WNT16: variants seen among roughly 807,000 people sequenced by gnomAD.
WNT16 encodes the protein Wnt family member 16.
A neutral mutation model predicts 35.4 loss-of-function variants in WNT16; 20 were observed. The observed-to-expected ratio is 0.56, with a 90% CI of 0.40 to 0.82. WNT16 has a LOEUF of 0.82. Among genes scored for constraint, WNT16 ranks in the 40% least tolerant of loss-of-function variants. The pLI is 0.00. For missense variants in WNT16, 461 were observed against 466.0 expected (o/e 0.99, Z 0.10); for synonymous variants, 180 against 179.2 (o/e 1.00, Z -0.03).
chr7:121,335,898 C>A (rs1471339122), intron 3 of WNT16, among the ~76,000 whole-genome samples: 1 of 151,716 alleles, frequency 6.6e-6, no homozygotes, highest in East Asian at 1.9e-4. Flanking sequence ...TTATGTGCAA[C>A]AAATATCTTC....
chr7:121,327,583 C>G (rs953562391), upstream of WNT16, among the ~76,000 whole-genome samples: 3 of 152,068 alleles, frequency 2.0e-5, no homozygotes, highest in Non-Finnish European at 2.9e-5. Flanking sequence ...CTCCTGACCT[C>G]TGGTGATCCG....
upstream of WNT16, among the ~76,000 whole-genome samples, chr7:121,327,407 G>T (rs1359101100): frequency 7.1e-6 from 1 of 141,416 alleles, no homozygotes; most frequent in Non-Finnish European, 1.5e-5. Flanking sequence ...CTGGAGTGCA[G>T]TGGCGCTATC....
intron 3 of WNT16, among the ~76,000 whole-genome samples, chr7:121,336,069 G>A (rs1485828867): frequency 6.7e-6 from 1 of 150,204 alleles, no homozygotes; most frequent in African/African-American, 2.4e-5. Flanking sequence ...AGTCCTGAGT[G>A]GTGATTACAC....
chr7:121,329,910 CT>C, intron 2 of WNT16, 93 bp downstream of exon 2: 1 of 1,489,112 alleles, frequency 6.7e-7, no homozygotes, highest in Non-Finnish European at 8.9e-7. Context: ...CTACGTGGTC[CT>C]GTAGCTCTCT....
At chr7:121,327,584 T>C (rs2536191), upstream of WNT16, among the ~76,000 whole-genome samples, 39,051 of 151,740 alleles carry the variant, frequency 0.26, 6,203 homozygotes, top group African/African-American at 0.46. Flanking sequence ...TCCTGACCTC[T>C]GGTGATCCGC....
chr7:121,329,715 G>A lies in WNT16; in HGVS notation c.244G>A (p.Gly82Arg), dbSNP rs2908004. 733,149 of 1,612,998 alleles carry A rather than the reference G, an allele frequency of 0.45. 175,541 individuals carry two copies. Among genetic ancestry groups the A allele is most frequent in the African/African-American group, 0.85 (63,987 of 75,006 alleles). ...EGARLGIQEC[G>R]SQFRHERWNC... ...CGCCCGGCTGGGCATTCAGGAGTGC[G>A]GGAGCCAGTTCAGACACGAGAGATG... The change falls in exon 2 of 4, where the codon GGG (glycine) becomes AGG (arginine). Residue 82 changes from glycine to arginine, a missense_variant. By Grantham distance (125) the Gly-to-Arg change is moderately radical (BLOSUM62 -2). Coordinates refer to ENST00000222462, the MANE Select transcript of WNT16 (RefSeq NM_057168.2).
chr7:121,338,522 C>A (rs1054459228), intron 3 of WNT16, among the ~76,000 whole-genome samples: 8 of 152,198 alleles, frequency 5.3e-5, no homozygotes, highest in Admixed American at 4.6e-4. Context: ...CAGGAACATA[C>A]AGGCATGCAT....
At chr7:121,338,384 CT>C (rs1303258419) in intron 3 of WNT16, among the ~76,000 whole-genome samples, 1 of 152,134 alleles carries the variant, frequency 6.6e-6, no homozygotes, top group Non-Finnish European at 1.5e-5. Flanking sequence ...TAATGACAAT[CT>C]TGTTAAAAAT....
upstream of WNT16, among the ~76,000 whole-genome samples, chr7:121,326,657 C>T (rs1793248746): frequency 6.6e-6 from 1 of 152,186 alleles, no homozygotes; most frequent in Admixed American, 6.5e-5. Context: ...CTACTTTGTA[C>T]ATTTATTGCA....
upstream of WNT16, among the ~76,000 whole-genome samples, chr7:121,327,389 G>A (rs1330121339): frequency 7.6e-6 from 1 of 132,404 alleles, no homozygotes; most frequent in South Asian, 2.5e-4. Flanking sequence ...CTCACTGTGT[G>A]CCATAGGCTG....
chr7:121,332,237 C>CGTGTGTGTGTGTGTGTGTGTGTGTGT (rs56219125), intron 3 of WNT16, among the ~76,000 whole-genome samples: 45 of 151,248 alleles, frequency 3.0e-4, no homozygotes, highest in Non-Finnish European at 7.4e-5. Context: ...AATAAATATA[C>CGTGTGTGTGTGTGTGTGTGTGTGTGT]GTGTGTGTGT....
chr7:121,336,758 G>A (rs927424555), intron 3 of WNT16, among the ~76,000 whole-genome samples: 4 of 152,164 alleles, frequency 2.6e-5, no homozygotes, highest in East Asian at 1.9e-4. Context: ...TTTGATGAGC[G>A]TCTACTTTGT....
chr7:121,335,984 CTTTGTGTGTGTGTGTG>C (rs950451243), intron 3 of WNT16, among the ~76,000 whole-genome samples: 11 of 117,882 alleles, frequency 9.3e-5, no homozygotes, highest in Admixed American at 9.2e-4. Flanking sequence ...TAGAATTAAA[CTTTGTGTGTGTGTGTG>C]TGTGTGTGTG....
At chr7:121,333,482 T>C in intron 3 of WNT16, among the ~76,000 whole-genome samples, 2 of 152,138 alleles carry the variant, frequency 1.3e-5, no homozygotes, top group East Asian at 3.9e-4. Flanking sequence ...TTGTAAAAGT[T>C]ATTTTATTTC....
chr7:121,333,429 C>T (rs1342712464), intron 3 of WNT16, among the ~76,000 whole-genome samples: 1 of 151,844 alleles, frequency 6.6e-6, no homozygotes, highest in Non-Finnish European at 1.5e-5. Flanking sequence ...GTAGGAATGT[C>T]AGTAAATAGC....
chr7:121,330,709 A>C (rs1793330692), intron 2 of WNT16, among the ~76,000 whole-genome samples: 1 of 96,974 alleles, frequency 1.0e-5, no homozygotes, highest in East Asian at 3.0e-4. Context: ...TGGTCCCCGT[A>C]GAGAGAAAAA....
upstream of WNT16, among the ~76,000 whole-genome samples, chr7:121,326,902 C>T (rs1793254712): frequency 6.6e-6 from 1 of 152,242 alleles, no homozygotes; most frequent in Admixed American, 6.5e-5. Context: ...TCCCCACTTC[C>T]AATTCCCCTT....
chr7:121,339,694 TG>T lies in WNT16; in HGVS notation c.*350del. 1 of 418,004 alleles carries T rather than the reference TG, an allele frequency of 2.4e-6. No individual in the cohort carries two copies. The highest frequency in any genetic ancestry group is 4.2e-6 in the Non-Finnish European group (1 of 235,652). The allele number at this position is 418,004 out of a possible 1,614,324, so 25.9% of individuals were successfully genotyped here. A position where few individuals can be genotyped will look rare whatever the true frequency, so the allele number is the denominator to read the frequency against. The stretch of plus-strand genomic sequence containing the variant: ...CCTGCCATACTCAGGATAAGATCCT[TG>T]AATATGGAACTTAGTTACAGGACTC... On this transcript the variant is annotated 3_prime_UTR_variant, in exon 4 of 4. Transcript: ENST00000222462.
intron 2 of WNT16, 113 bp from the exon 3 acceptor site, chr7:121,331,565 T>C: frequency 1.1e-6 from 1 of 942,666 alleles, no homozygotes; most frequent in South Asian, 1.7e-5. Flanking sequence ...AACGCATCCA[T>C]TGTAAGCAAC....
Sources: allele counts gnomAD v4.1 joint callset (sites outside exome capture counted in the v4.1 genomes callset), GRCh38; gene constraint gnomAD v4.1.1; transcripts MANE v1.5; gene names NCBI Gene and HGNC (gene_info 2026-07-23, HGNC 2026-07-21).